SLIT1: variants seen among roughly 807,000 people sequenced by gnomAD.
The protein encoded by SLIT1 is slit guidance ligand 1.
SLIT1 carries 66 observed loss-of-function variants against 186.1 expected under a neutral mutation model. The ratio of observed to expected loss-of-function variants is 0.35; its 90% CI spans 0.29 to 0.44. The LOEUF (loss-of-function observed/expected upper bound fraction) is 0.44. SLIT1 is among the 20% of genes least tolerant of loss of function. The probability of loss-of-function intolerance (pLI) is 1.00; values close to 1 mark genes in which losing one functional copy is unlikely to be tolerated. For synonymous variants in SLIT1, 761 were observed against 833.8 expected (o/e 0.91, Z 1.50); for missense variants, 1,638 against 2,037.4 (o/e 0.80, Z 3.77).
intron 4 of SLIT1, among the ~76,000 whole-genome samples, chr10:97,130,357 C>T (rs999933188): frequency 6.6e-6 from 1 of 152,180 alleles, no homozygotes; most frequent in Non-Finnish European, 1.5e-5. Context: ...GTGGAAGCAG[C>T]CTCAGTGTTC....
intron 4 of SLIT1, among the ~76,000 whole-genome samples, chr10:97,087,670 C>T (rs543161408): frequency 6.6e-5 from 10 of 152,296 alleles, no homozygotes; most frequent in East Asian, 3.9e-4. Flanking sequence ...ATCACACTCT[C>T]GGCTCCTGTC....
At chr10:97,182,054 T>C (rs533582211) in intron 1 of SLIT1, among the ~76,000 whole-genome samples, 1 of 152,330 alleles carries the variant, frequency 6.6e-6, no homozygotes, top group South Asian at 2.1e-4. Context: ...CCGGGCCGCC[T>C]CCGCCACCTC....
At chr10:97,099,630 G>A (rs1849330345) in intron 4 of SLIT1, among the ~76,000 whole-genome samples, 1 of 152,200 alleles carries the variant, frequency 6.6e-6, no homozygotes, top group Non-Finnish European at 1.5e-5. Flanking sequence ...CAGGTGTGCA[G>A]GGAGCGGGGT....
chr10:97,058,662 C>T (rs77278529), intron 11 of SLIT1, among the ~76,000 whole-genome samples: 2 of 152,226 alleles, frequency 1.3e-5, no homozygotes, highest in African/African-American at 4.8e-5. Flanking sequence ...CTCCTGCACT[C>T]CCCGGGGGAG....
chr10:97,163,301 C>T, intron 3 of SLIT1, 79 bp downstream of exon 3: 1 of 1,267,740 alleles, frequency 7.9e-7, no homozygotes, highest in East Asian at 2.3e-5. Flanking sequence ...TGCCCCTCAT[C>T]CCTGGCAGCA....
chr10:97,018,412 C>T (rs1452872910), intron 28 of SLIT1, among the ~76,000 whole-genome samples, 174 bp downstream of exon 28: 1 of 152,220 alleles, frequency 6.6e-6, no homozygotes, highest in Non-Finnish European at 1.5e-5. Flanking sequence ...GCCTGGTGGG[C>T]TTGGAGAGCC....
intron 4 of SLIT1, among the ~76,000 whole-genome samples, chr10:97,108,173 A>G (rs1305269073): frequency 6.6e-6 from 1 of 152,144 alleles, no homozygotes; most frequent in Non-Finnish European, 1.5e-5. Context: ...GGGTGGCATC[A>G]GCACCCTGTG....
intron 4 of SLIT1, among the ~76,000 whole-genome samples, chr10:97,089,526 G>C (rs538466357): frequency 6.6e-6 from 1 of 152,228 alleles, no homozygotes; most frequent in African/African-American, 2.4e-5. Flanking sequence ...GAAGATGAGT[G>C]TGAAGCCTGC....
rs117421360 is a variant in SLIT1, at chr10:97,012,640, C to A, written c.3203+1101G>T. 3.1e-4 allele frequency among the ~76,000 whole-genome samples: 47 copies of A among 152,336 alleles called. No homozygotes were observed. In the East Asian group the frequency reaches 8.7e-3, roughly 28 times the overall value. ...CTGCCACTGCTGATTGGTCTGCCTG[C>A]CAAGCCCCACCCCTGGGAGCCCCCA... is the stretch of plus-strand genomic sequence containing the variant. On this transcript the variant is annotated intron_variant, in intron 30 of 36. Transcript: ENST00000266058.
chr10:97,176,504 C>G (rs959980096), intron 1 of SLIT1, among the ~76,000 whole-genome samples: 1 of 152,186 alleles, frequency 6.6e-6, no homozygotes, highest in African/African-American at 2.4e-5. Context: ...CCTGCTCCCC[C>G]TCAGAGCTCC....
intron 1 of SLIT1, among the ~76,000 whole-genome samples, chr10:97,183,166 CA>C (rs1310597970): frequency 1.3e-5 from 2 of 152,092 alleles, no homozygotes; most frequent in Non-Finnish European, 1.5e-5. Flanking sequence ...CTTCTCACCC[CA>C]GTGTTCCCAC....
intron 30 of SLIT1, 70 bp downstream of exon 30, chr10:97,013,671 C>A: frequency 8.9e-7 from 1 of 1,123,356 alleles, no homozygotes; most frequent in Non-Finnish European, 1.3e-6. Context: ...GGGCACGGAG[C>A]CCAGACTGGA....
At chr10:97,005,870 T>G (rs1036557744) in intron 32 of SLIT1, among the ~76,000 whole-genome samples, 2 of 152,160 alleles carry the variant, frequency 1.3e-5, no homozygotes, top group Non-Finnish European at 2.9e-5. Flanking sequence ...GGAATGGAAT[T>G]CGGGGGAAAG....
Position 97,010,221 on chromosome 10 carries a change from T to C in SLIT1, c.3341+772A>G, listed in dbSNP as rs1002280645. On this transcript the variant is annotated intron_variant, in intron 31 of 36. Transcript: ENST00000266058. The surrounding 1 kb of genome is among the most constrained non-coding windows in gnomAD (Gnocchi z 4.8). The stretch of plus-strand genomic sequence containing the variant: ...TATGTCCATACGGCAGAACACTGTT[T>C]AGCCATAAGAAGGAATGAAGTGCCG... Among the ~76,000 whole-genome samples, 3 of 152,236 alleles carry C rather than the reference T, an allele frequency of 2.0e-5. No individual in the cohort carries two copies. The highest frequency in any genetic ancestry group is 1.9e-4 in the East Asian group (1 of 5,200).
chr10:97,046,624 C>G, intron 18 of SLIT1, 30 bp downstream of exon 18: 2 of 1,572,600 alleles, frequency 1.3e-6, no homozygotes, highest in Non-Finnish European at 1.7e-6. Flanking sequence ...TGCAGCTGGC[C>G]CACCCTGCTC....
At chr10:97,108,350 G>A (rs1250703652) in intron 4 of SLIT1, among the ~76,000 whole-genome samples, 1 of 152,228 alleles carries the variant, frequency 6.6e-6, no homozygotes, top group Non-Finnish European at 1.5e-5. Flanking sequence ...GAAAAAAGGA[G>A]AGTAACAGTG....
intron 1 of SLIT1, among the ~76,000 whole-genome samples, chr10:97,177,226 A>G (rs1037577754): frequency 2.0e-5 from 3 of 152,108 alleles, no homozygotes; most frequent in East Asian, 3.9e-4. Flanking sequence ...CTTCCCCATC[A>G]TGACCTCTGG....
chr10:97,161,661 C>T (rs1426984167), intron 3 of SLIT1, among the ~76,000 whole-genome samples: 1 of 152,082 alleles, frequency 6.6e-6, no homozygotes, highest in East Asian at 1.9e-4. Context: ...GCCTGTAATC[C>T]CAGCTACTCA....
rs1341799755 is a variant in SLIT1 at position 97,125,531 on chromosome 10, G to T, written c.413+32287C>A. 4.1e-3 allele frequency among the ~76,000 whole-genome samples: 245 copies of T among 59,470 alleles called. 2 individuals are homozygous for T. The highest frequency in any genetic ancestry group is 9.0e-3 in the African/African-American group (209 of 23,338). The allele number at this position is 59,470 out of a possible 152,430, so 39.0% of individuals were successfully genotyped here. ...CCTGGGTGACAAAGCGAGACCCTGTGTCAAAAAAAAAAAAAAAAAAAAGTA... is the reference window on the plus strand; with the variant it reads ...CCTGGGTGACAAAGCGAGACCCTGTTTCAAAAAAAAAAAAAAAAAAAAGTA... On this transcript the variant is annotated intron_variant, in intron 4 of 36. Coordinates refer to ENST00000266058, the MANE Select transcript of SLIT1 (RefSeq NM_003061.3).
Sources: gnomAD v4.1 joint callset for allele counts (sites outside exome capture counted in the v4.1 genomes callset) on GRCh38, gnomAD v4.1.1 for gene constraint, Gnocchi (gnomAD v3.1) non-coding constraint, MANE v1.5 for transcripts, NCBI Gene and HGNC (gene_info 2026-07-23, HGNC 2026-07-21) for gene names.